Variants in USH2A observed in about 807,000 individuals in gnomAD.
USH2A encodes usherin.
USH2A carries 443 observed loss-of-function variants against 538.9 expected under a neutral mutation model. The observed-to-expected ratio is 0.82, with a 90% CI of 0.76 to 0.89. USH2A has a LOEUF of 0.89. Ranked by LOEUF, USH2A falls within the 40% of genes least tolerant of loss-of-function variation. USH2A has a pLI of 0.00. For synonymous variants in USH2A, 2,413 were observed against 2,273.5 expected (o/e 1.06, Z -1.75); for missense variants, 6,633 against 6,324.8 (o/e 1.05, Z -1.65).
chr1:216,325,517 C>T lies in USH2A; in HGVS notation c.931G>A (p.Val311Ile). The change falls in exon 6 of 72, where the codon GTC becomes ATC. Residue 311 changes from valine (V) to isoleucine (I), a missense_variant. By Grantham distance (29) the Val-to-Ile change is conservative. Coordinates refer to ENST00000307340, the MANE Select transcript of USH2A (RefSeq NM_206933.4). ...CAGTACCGCTGTGCCAAAGGGTGGA[C>T]CCGCGGGTGGCTGCCAGGGCAACGG... ...HCRCPGSHPR[V>I]HPLAQRYCIP... 1 of 1,613,698 alleles carries T rather than the reference C, an allele frequency of 6.2e-7. No individual in the cohort carries two copies. The highest frequency in any genetic ancestry group is 8.5e-7 in the Non-Finnish European group (1 of 1,179,812).
At chr1:215,975,879 A>G (rs1017218755) in intron 35 of USH2A, among the ~76,000 whole-genome samples, 1 of 152,196 alleles carries the variant, frequency 6.6e-6, no homozygotes, top group African/African-American at 2.4e-5. Flanking sequence ...TTTGATAGAA[A>G]TAGCATTGAA....
chr1:216,382,656 G>A (rs1006121071), intron 3 of USH2A, among the ~76,000 whole-genome samples: 1 of 152,170 alleles, frequency 6.6e-6, no homozygotes, highest in African/African-American at 2.4e-5. Context: ...AGGAGTCATG[G>A]TTGTGAGTAA....
rs926293574 is a variant in USH2A at position 215,673,395 on chromosome 1, T to C, written c.13811+705A>G. ...CTAAATTTTAAGCATAAAATGTCTC[T>C]TATTACCCTTCTCTCTGGGGATGTA... On this transcript the variant is annotated intron_variant, in intron 63 of 71. Coordinates refer to ENST00000307340, the MANE Select transcript of USH2A (RefSeq NM_206933.4). Among the ~76,000 whole-genome samples, 3 of 152,200 alleles carry C rather than the reference T, an allele frequency of 2.0e-5. No individual in the cohort carries two copies. In the East Asian group the frequency reaches 5.8e-4, roughly 29 times the overall value.
intron 47 of USH2A, among the ~76,000 whole-genome samples, chr1:215,834,380 A>G (rs551408108): frequency 3.9e-5 from 6 of 152,346 alleles, no homozygotes; most frequent in African/African-American, 1.4e-4. Context: ...AACTGCTAGT[A>G]TGTATATAAT....
chr1:216,307,176 G>C (rs533408717), intron 9 of USH2A, among the ~76,000 whole-genome samples: 1 of 152,210 alleles, frequency 6.6e-6, no homozygotes, highest in Admixed American at 6.5e-5. Flanking sequence ...GGTAGAGAAA[G>C]GCCATCAGGT....
At chr1:215,909,921 G>A (rs1359274593) in intron 38 of USH2A, among the ~76,000 whole-genome samples, 2 of 151,858 alleles carry the variant, frequency 1.3e-5, no homozygotes, top group African/African-American at 4.8e-5. Context: ...CTTGGTGTAG[G>A]AAGAAAAAAA....
At chr1:215,657,553 T>C (rs559394392) in intron 64 of USH2A, among the ~76,000 whole-genome samples, 2 of 152,230 alleles carry the variant, frequency 1.3e-5, no homozygotes, top group Non-Finnish European at 2.9e-5. Context: ...AGCATCTCTA[T>C]CTGCATAGAA....
intron 61 of USH2A, among the ~76,000 whole-genome samples, chr1:215,716,445 A>T (rs189847372): frequency 6.6e-6 from 1 of 152,316 alleles, no homozygotes; most frequent in African/African-American, 2.4e-5. Flanking sequence ...TAACCATCCT[A>T]AAAAAACACA....
At chr1:215,979,453 C>T (rs754098897) in intron 35 of USH2A, among the ~76,000 whole-genome samples, 4 of 152,020 alleles carry the variant, frequency 2.6e-5, no homozygotes, top group East Asian at 1.9e-4. Flanking sequence ...AACTGACTAG[C>T]GACAAGATAA....
intron 9 of USH2A, among the ~76,000 whole-genome samples, chr1:216,301,360 G>A (rs1163040802): frequency 1.3e-5 from 2 of 152,086 alleles, no homozygotes; most frequent in Non-Finnish European, 2.9e-5. Context: ...ATGAGTCATC[G>A]AAAACAACTT....
At chr1:215,938,530 T>C (rs184928300) in intron 37 of USH2A, among the ~76,000 whole-genome samples, 1 of 152,244 alleles carries the variant, frequency 6.6e-6, no homozygotes, top group East Asian at 1.9e-4. Flanking sequence ...TGCAGCCTCG[T>C]TGGTTCAGCC....
intron 55 of USH2A, among the ~76,000 whole-genome samples, chr1:215,776,585 C>T (rs1206675801): frequency 5.3e-5 from 8 of 152,084 alleles, no homozygotes; most frequent in African/African-American, 1.2e-4. Context: ...GGCTCCAGGA[C>T]GACTAGTGCT....
intron 47 of USH2A, among the ~76,000 whole-genome samples, chr1:215,834,067 C>T (rs190800196): frequency 6.6e-6 from 1 of 152,178 alleles, no homozygotes; most frequent in Non-Finnish European, 1.5e-5. Flanking sequence ...CATAGTATCT[C>T]ATGTTCTAGC....
At chr1:216,053,148 G>A (rs1363604271) in intron 30 of USH2A, among the ~76,000 whole-genome samples, 2 of 152,194 alleles carry the variant, frequency 1.3e-5, no homozygotes, top group Admixed American at 1.3e-4. Context: ...AAGAATGTTT[G>A]CATACGGGCC....
At chr1:215,647,015 C>T (rs2102641707) in intron 67 of USH2A, among the ~76,000 whole-genome samples, 1 of 152,334 alleles carries the variant, frequency 6.6e-6, no homozygotes, top group South Asian at 2.1e-4. Context: ...CGATGCATTT[C>T]TCAGAACATA....
At chr1:215,971,183 T>A (rs1346510398) in intron 35 of USH2A, among the ~76,000 whole-genome samples, 2 of 152,168 alleles carry the variant, frequency 1.3e-5, no homozygotes, top group African/African-American at 4.8e-5. Flanking sequence ...TCTATATGAC[T>A]CATAATGTAT....
At chr1:216,286,233 A>G (rs2036881159) in intron 11 of USH2A, among the ~76,000 whole-genome samples, 1 of 152,156 alleles carries the variant, frequency 6.6e-6, no homozygotes, top group Admixed American at 6.5e-5. Context: ...TAATTGAATC[A>G]TGGGGGCAGT....
At chr1:215,769,663 G>T (rs1452657096) in intron 55 of USH2A, among the ~76,000 whole-genome samples, 1 of 152,118 alleles carries the variant, frequency 6.6e-6, no homozygotes, top group African/African-American at 2.4e-5. Context: ...AGCAGGATAT[G>T]GGGGTAGGGC....
At chr1:216,409,888 T>C (rs569726608) in intron 3 of USH2A, among the ~76,000 whole-genome samples, 1 of 152,210 alleles carries the variant, frequency 6.6e-6, no homozygotes, top group East Asian at 1.9e-4. Context: ...TTAAAGAGCT[T>C]CTGCACAGCA....
Sources: gnomAD v4.1 joint callset for allele counts (sites outside exome capture counted in the v4.1 genomes callset) on GRCh38, gnomAD v4.1.1 for gene constraint, MANE v1.5 for transcripts, NCBI Gene and HGNC (gene_info 2026-07-23, HGNC 2026-07-21) for gene names.